Variants in IMMP2L observed in about 807,000 individuals in gnomAD.
The protein encoded by IMMP2L is mitochondrial inner membrane protease subunit 2.
IMMP2L carries 18 observed loss-of-function variants against 19.3 expected under a neutral mutation model. The ratio of observed to expected loss-of-function variants is 0.93; its 90% CI spans 0.64 to 1.38. The LOEUF is 1.38. IMMP2L is among the 40% of genes most tolerant of loss of function. IMMP2L has a pLI of 0.00. For synonymous variants in IMMP2L, 76 were observed against 73.0 expected (o/e 1.04, Z -0.21); for missense variants, 233 against 218.2 (o/e 1.07, Z -0.43).
chr7:111,447,907 C>A (rs1390310081), intron 3 of IMMP2L, among the ~76,000 whole-genome samples: 1 of 148,042 alleles, frequency 6.8e-6, no homozygotes, highest in Non-Finnish European at 1.5e-5. Context: ...GGGTTGCAAT[C>A]CTAGTCTCTG....
chr7:111,006,307 T>A (rs549323254), intron 3 of IMMP2L, among the ~76,000 whole-genome samples: 69 of 152,254 alleles, frequency 4.5e-4, no homozygotes, highest in African/African-American at 1.5e-3. Flanking sequence ...GTGCACTAAC[T>A]GGCAAGGATA....
intron 2 of IMMP2L, among the ~76,000 whole-genome samples, chr7:111,491,923 T>C (rs1156728768): frequency 6.6e-6 from 1 of 151,954 alleles, no homozygotes; most frequent in Non-Finnish European, 1.5e-5. Context: ...GCCATAATAG[T>C]GAAGGAACAA....
intron 5 of IMMP2L, among the ~76,000 whole-genome samples, chr7:110,861,543 G>A (rs1807433054): frequency 6.6e-6 from 1 of 151,964 alleles, no homozygotes; most frequent in Non-Finnish European, 1.5e-5. Flanking sequence ...GGTTTTATAG[G>A]TGTGAGCCAC....
intron 5 of IMMP2L, among the ~76,000 whole-genome samples, chr7:110,821,352 T>C (rs570312190): frequency 6.6e-6 from 1 of 152,260 alleles, no homozygotes; most frequent in Non-Finnish European, 1.5e-5. Flanking sequence ...ACAGAGTCTT[T>C]ATCAATGAGT....
chr7:111,546,406 C>T (rs1370882334), intron 1 of IMMP2L, among the ~76,000 whole-genome samples: 1 of 152,058 alleles, frequency 6.6e-6, no homozygotes, highest in Admixed American at 6.6e-5. Flanking sequence ...TTTAATTTTG[C>T]ATTTCTCTTA....
chr7:110,664,470 A>T (rs10262834), intron 5 of IMMP2L, among the ~76,000 whole-genome samples: 8 of 151,976 alleles, frequency 5.3e-5, no homozygotes, highest in African/African-American at 1.7e-4. Context: ...TCAGCAGAGG[A>T]GAGCAGAGAT....
chr7:110,916,353 CT>C (rs955888551), intron 4 of IMMP2L, among the ~76,000 whole-genome samples: 1 of 152,108 alleles, frequency 6.6e-6, no homozygotes, highest in African/African-American at 2.4e-5. Flanking sequence ...ATTTTGTCTA[CT>C]TTTTCTGTTC....
At chr7:111,330,159 GAAAGA>G (rs1825734530) in intron 3 of IMMP2L, among the ~76,000 whole-genome samples, 2 of 151,276 alleles carry the variant, frequency 1.3e-5, no homozygotes, top group African/African-American at 4.8e-5. Context: ...ATTGAACACA[GAAAGA>G]AAAGAGAAGA....
chr7:111,532,115 T>C (rs1847449189), intron 1 of IMMP2L, among the ~76,000 whole-genome samples: 1 of 151,718 alleles, frequency 6.6e-6, no homozygotes, highest in South Asian at 2.1e-4. Context: ...AAAAGAAGGG[T>C]ACAAAATATT....
intron 3 of IMMP2L, among the ~76,000 whole-genome samples, chr7:111,057,813 A>G (rs1468421785): frequency 6.6e-6 from 1 of 152,206 alleles, no homozygotes; most frequent in African/African-American, 2.4e-5. Context: ...ATAATCAAAT[A>G]ATCACTGTAA....
At chr7:110,865,232 T>A (rs541146345) in intron 5 of IMMP2L, among the ~76,000 whole-genome samples, 2 of 152,042 alleles carry the variant, frequency 1.3e-5, no homozygotes, top group East Asian at 3.9e-4. Flanking sequence ...GTTTAATAAG[T>A]ATTAATTGAA....
chr7:111,057,986 C>T (rs1793669425), intron 3 of IMMP2L, among the ~76,000 whole-genome samples: 2 of 152,012 alleles, frequency 1.3e-5, no homozygotes, highest in South Asian at 4.2e-4. Context: ...GAAAGATTAT[C>T]CACATTTTGT....
At chr7:111,107,515 TGAA>T (rs1273750187) in intron 3 of IMMP2L, among the ~76,000 whole-genome samples, 2 of 152,048 alleles carry the variant, frequency 1.3e-5, no homozygotes, top group Non-Finnish European at 2.9e-5. Flanking sequence ...ATAAGCATGT[TGAA>T]GAAGGGGCAA....
chr7:111,484,780 T>C (rs886981563), intron 3 of IMMP2L, among the ~76,000 whole-genome samples: 1 of 152,134 alleles, frequency 6.6e-6, no homozygotes, highest in African/African-American at 2.4e-5. Context: ...GCATGTTTCA[T>C]CATAAGACTA....
chr7:111,018,836 T>C (rs1458135780), intron 3 of IMMP2L, among the ~76,000 whole-genome samples: 2 of 140,306 alleles, frequency 1.4e-5, no homozygotes, highest in East Asian at 2.1e-4. Context: ...ATTATTATTA[T>C]TACAAGCATC....
intron 3 of IMMP2L, among the ~76,000 whole-genome samples, chr7:111,234,794 T>C (rs1367834134): frequency 6.6e-6 from 1 of 152,102 alleles, no homozygotes; most frequent in Admixed American, 6.6e-5. Context: ...CTTCAGGTAA[T>C]ATTATACCAC....
intron 3 of IMMP2L, among the ~76,000 whole-genome samples, chr7:111,306,809 A>G (rs1822928979): frequency 2.0e-5 from 3 of 151,854 alleles, no homozygotes; most frequent in African/African-American, 7.2e-5. Flanking sequence ...GAAAAATAAA[A>G]CAATTTACAA....
At chr7:111,068,749 A>C (rs1794714855) in intron 3 of IMMP2L, among the ~76,000 whole-genome samples, 1 of 152,208 alleles carries the variant, frequency 6.6e-6, no homozygotes, top group African/African-American at 2.4e-5. Flanking sequence ...ATGTAAATAC[A>C]GAAAATAGCA....
intron 3 of IMMP2L, among the ~76,000 whole-genome samples, chr7:111,271,946 C>T (rs1231660068): frequency 6.6e-6 from 1 of 152,156 alleles, no homozygotes; most frequent in African/African-American, 2.4e-5. Flanking sequence ...TATTACCACA[C>T]TAATCTAAAC....
Sources: gnomAD v4.1 joint callset for allele counts (sites outside exome capture counted in the v4.1 genomes callset) on GRCh38, gnomAD v4.1.1 for gene constraint, MANE v1.5 for transcripts, NCBI Gene and HGNC (gene_info 2026-07-23, HGNC 2026-07-21) for gene names.